The following BRF1 variants were observed in gnomAD, a reference collection of about 807,000 sequenced individuals.
The protein encoded by BRF1 is BRF1 general transcription factor IIIB subunit.
Under a neutral mutation model 81.7 loss-of-function variants are expected in BRF1, and 59 were observed. The ratio of observed to expected loss-of-function variants is 0.72; its 90% CI spans 0.59 to 0.90. BRF1 has a LOEUF of 0.90. BRF1 is among the 40% of genes least tolerant of loss of function. The pLI is 0.00. For missense variants in BRF1, 1,050 were observed against 936.3 expected, an observed-to-expected ratio of 1.12 and a Z score of -1.58; for synonymous variants, 491 against 395.6, an observed-to-expected ratio of 1.24 and a Z score of -2.86.
chr14:105,305,096 T>C (rs956256730), upstream of BRF1, among the ~76,000 whole-genome samples: 1 of 152,046 alleles, frequency 6.6e-6, no homozygotes, highest in East Asian at 1.9e-4. Context: ...ATGAGCGGGA[T>C]TAATGCCCTC....
At chr14:105,256,672 C>T (rs2055890617) in intron 3 of BRF1, 123 bp from the exon 4 acceptor site, 2 of 1,438,192 alleles carry the variant, frequency 1.4e-6, no homozygotes, top group Non-Finnish European at 1.9e-6. Context: ...CAAATATAAG[C>T]TCCACCTTTG....
chr14:105,250,586 G>A, intron 5 of BRF1: 1 of 1,614,102 alleles, frequency 6.2e-7, no homozygotes, highest in Non-Finnish European at 8.5e-7. Flanking sequence ...TGGAAAGGTG[G>A]CCTTCCAGTT....
chr14:105,222,724 G>T (rs926542551), intron 10 of BRF1, among the ~76,000 whole-genome samples: 1 of 152,114 alleles, frequency 6.6e-6, no homozygotes, highest in African/African-American at 2.4e-5. Context: ...CGCCTCCCGG[G>T]TTCACGCCAT....
intron 1 of BRF1, among the ~76,000 whole-genome samples, chr14:105,290,673 C>G (rs1020871657): frequency 6.6e-6 from 1 of 152,246 alleles, no homozygotes; most frequent in Admixed American, 6.5e-5. Flanking sequence ...AAGCTGCATG[C>G]GTCAGCAGCT....
chr14:105,300,481 C>A lies in BRF1; in HGVS notation c.149G>T (p.Gly50Val), dbSNP rs748734610. Reference protein sequence around the residue: ...EVQFVESSGGGSSAVGQFVSL... With the variant: ...EVQFVESSGGVSSAVGQFVSL... Reference sequence around the variant, plus strand: ...CACGAACTGGCCCACGGCCGAGGAGCCGCCGCCGCTGCTCTCCACGAACTG... The same window carrying A: ...CACGAACTGGCCCACGGCCGAGGAGACGCCGCCGCTGCTCTCCACGAACTG... Residue 50 changes from glycine (G) to valine (V), a missense_variant, in exon 1 of 18, where the codon GGC becomes GTC. Physicochemically the swap from Gly to Val is moderately radical, Grantham distance 109 (BLOSUM62 -3). Transcript: ENST00000547530. The A allele has an allele frequency of 1.3e-6, 2 of 1,534,402 alleles. No homozygotes were observed. The highest frequency in any genetic ancestry group is 1.7e-6 in the Non-Finnish European group (2 of 1,144,172).
At chr14:105,218,129 G>A (rs587729274) in intron 14 of BRF1, among the ~76,000 whole-genome samples, 5 of 152,314 alleles carry the variant, frequency 3.3e-5, no homozygotes, top group Admixed American at 6.5e-5. Flanking sequence ...ACATGCACAC[G>A]GCAGGGCGAT....
chr14:105,271,791 A>C lies in BRF1; in HGVS notation c.439+930T>G, dbSNP rs1175062458. Reference sequence around the variant, plus strand: ...AGACCAGTGCAAGAGAACACCAGACACTGGATCTCCACGCAAGGCCAAGCT... The same window carrying C: ...AGACCAGTGCAAGAGAACACCAGACCCTGGATCTCCACGCAAGGCCAAGCT... On this transcript the variant is annotated intron_variant, in intron 3 of 17. Coordinates refer to ENST00000547530, the MANE Select transcript of BRF1 (RefSeq NM_001519.4). This position sits in a 1 kb window ranked among gnomAD's most constrained non-coding sequence, Gnocchi z 5.5. Among the ~76,000 whole-genome samples, 1 of 152,206 alleles carries C rather than the reference A, an allele frequency of 6.6e-6. No homozygotes were observed. Among genetic ancestry groups the C allele is most frequent in the African/African-American group, 2.4e-5 (1 of 41,466 alleles).
At chr14:105,290,769 G>A (rs2057477878) in intron 1 of BRF1, among the ~76,000 whole-genome samples, 1 of 151,738 alleles carries the variant, frequency 6.6e-6, no homozygotes, top group African/African-American at 2.4e-5. Flanking sequence ...TCACACCCCA[G>A]GACCTCTGTT....
chr14:105,251,876 T>C (rs2055634838), intron 5 of BRF1, among the ~76,000 whole-genome samples: 1 of 151,974 alleles, frequency 6.6e-6, no homozygotes, highest in Admixed American at 6.6e-5. Context: ...ACACTGCTGC[T>C]GCCTCGAGGG....
At chr14:105,247,493 G>A in intron 5 of BRF1, 18 of 985,276 alleles carry the variant, frequency 1.8e-5, no homozygotes, top group Non-Finnish European at 2.2e-5. Flanking sequence ...ACTTGTAGTT[G>A]CTCCTCCATC....
intron 10 of BRF1, among the ~76,000 whole-genome samples, chr14:105,222,998 C>T (rs901824828): frequency 6.6e-6 from 1 of 152,102 alleles, no homozygotes; most frequent in African/African-American, 2.4e-5. Context: ...TCCAGACCAG[C>T]CTGGGCAACA....
intron 2 of BRF1, among the ~76,000 whole-genome samples, chr14:105,283,323 G>C (rs916753477): frequency 6.6e-6 from 1 of 152,212 alleles, no homozygotes; most frequent in African/African-American, 2.4e-5. Context: ...AGAGCTCACT[G>C]AGTGGGCAGC....
chr14:105,246,796 G>A, intron 5 of BRF1: 4 of 983,758 alleles, frequency 4.1e-6, no homozygotes, highest in Non-Finnish European at 4.8e-6. Flanking sequence ...GCAAAGGGTG[G>A]TTTCTTTCTA....
intron 5 of BRF1, chr14:105,242,723 G>T (rs1464051835): frequency 2.0e-5 from 2 of 99,498 alleles, no homozygotes; most frequent in Admixed American, 1.6e-4. Flanking sequence ...CAACAAGAGC[G>T]AAGTTCTGAC....
At position 105,217,655 on chromosome 14, in the gene BRF1, G is replaced by A. The variant is rs759572291; in HGVS notation, c.1661C>T (p.Pro554Leu). 6.8e-6 allele frequency: 11 copies of A among 1,613,156 alleles called. 1 individual carries two copies. The highest frequency in any genetic ancestry group is 4.4e-5 in the South Asian group (4 of 91,088). The change falls in exon 15 of 18, where the codon CCG becomes CTG. Residue 554 changes from proline (P) to leucine (L), a missense_variant. Coordinates refer to ENST00000547530, the MANE Select transcript of BRF1 (RefSeq NM_001519.4). ...RGLSSAGGGSPHREDAQPEHS... is the reference protein window; with the variant it reads ...RGLSSAGGGSLHREDAQPEHS... ...CTCGGGCTGTGCATCCTCCCTGTGCGGACTGCCCCCGCCGGCGCTGCTGAG... is the reference window on the plus strand; with the variant it reads ...CTCGGGCTGTGCATCCTCCCTGTGCAGACTGCCCCCGCCGGCGCTGCTGAG...
Position 105,290,688 on chromosome 14 carries a change from G to A in BRF1, c.185-4312C>T, listed in dbSNP as rs149473449. ...AAGCTGCATGCGTCAGCAGCTCCAC[G>A]CTCCACCTGCCACCTCTGCCCTCCC... On this transcript the variant is annotated intron_variant, in intron 1 of 17. Transcript: ENST00000547530. 8.5e-4 allele frequency among the ~76,000 whole-genome samples: 129 copies of A among 152,136 alleles called. 1 individual carries two copies. Among genetic ancestry groups the A allele is most frequent in the East Asian group, 1.4e-3 (7 of 5,162 alleles).
intron 10 of BRF1, chr14:105,222,511 T>C (rs1278979478): frequency 6.6e-6 from 1 of 152,392 alleles, no homozygotes; most frequent in African/African-American, 2.4e-5. Flanking sequence ...AGCTCCTCCT[T>C]CACAACCATC....
rs1246123529 is a variant in BRF1 at position 105,271,215 on chromosome 14, G to A, written c.439+1506C>T. Among the ~76,000 whole-genome samples the A allele has an allele frequency of 1.3e-5, 2 of 152,254 alleles. No individual in the cohort carries two copies. The highest frequency in any genetic ancestry group is 2.9e-5 in the Non-Finnish European group (2 of 68,050). On this transcript the variant is annotated intron_variant, in intron 3 of 17. Transcript: ENST00000547530. This position sits in a 1 kb window ranked among gnomAD's most constrained non-coding sequence, Gnocchi z 5.5. ...GTGTGGCAGGCAGAGTAACAGAGAA[G>A]AAGGGAGACACATCTAACGACGAAT...
intron 5 of BRF1, chr14:105,248,847 G>A (rs1595379346): frequency 1.0e-6 from 1 of 990,406 alleles, no homozygotes; most frequent in Non-Finnish European, 1.2e-6. Context: ...CGCCGAGGCT[G>A]CCCCCGCCGC....
Sources: gnomAD v4.1 joint callset for allele counts (sites outside exome capture counted in the v4.1 genomes callset) on GRCh38, gnomAD v4.1.1 for gene constraint, Gnocchi (gnomAD v3.1) non-coding constraint, MANE v1.5 for transcripts, NCBI Gene and HGNC (gene_info 2026-07-23, HGNC 2026-07-21) for gene names.